Variants in ARMC2 observed in about 807,000 individuals in gnomAD.
ARMC2 encodes armadillo repeat-containing protein 2.
Under a neutral mutation model 90.3 loss-of-function variants are expected in ARMC2, and 67 were observed. The ratio of observed to expected loss-of-function variants is 0.74; its 90% CI spans 0.61 to 0.91. ARMC2 has a LOEUF of 0.91. ARMC2 is among the 40% of genes least tolerant of loss of function. The pLI, the probability that ARMC2 is intolerant of heterozygous loss-of-function variation, is 0.00. For missense variants in ARMC2, 920 were observed against 1,030.9 expected (o/e 0.89, Z 1.47); for synonymous variants, 393 against 393.0 (o/e 1.00, Z 0.00).
intron 8 of ARMC2, chr6:108,907,792 C>A: frequency 1.2e-6 from 2 of 1,610,414 alleles, no homozygotes; most frequent in Non-Finnish European, 1.7e-6. Flanking sequence ...GGCTGAAGTC[C>A]CCCATCAAGA....
At chr6:108,948,811 C>T (rs1776980384) in intron 12 of ARMC2, among the ~76,000 whole-genome samples, 1 of 152,006 alleles carries the variant, frequency 6.6e-6, no homozygotes, top group Non-Finnish European at 1.5e-5. Context: ...ACTTAGTCTT[C>T]CCAGATTAGA....
intron 2 of ARMC2, among the ~76,000 whole-genome samples, chr6:108,856,124 G>T (rs7454060): frequency 3.3e-5 from 5 of 151,996 alleles, no homozygotes; most frequent in Non-Finnish European, 5.9e-5. Context: ...AAAAGTCATC[G>T]CAATACGCAA....
intron 3 of ARMC2, among the ~76,000 whole-genome samples, 193 bp downstream of exon 3, chr6:108,858,464 A>AT (rs1774882968): frequency 6.6e-6 from 1 of 152,094 alleles, no homozygotes; most frequent in Non-Finnish European, 1.5e-5. Flanking sequence ...AAATACTTCT[A>AT]TAATTTACCT....
At chr6:108,966,838 A>T (rs1778408885) in intron 17 of ARMC2, among the ~76,000 whole-genome samples, 1 of 152,234 alleles carries the variant, frequency 6.6e-6, no homozygotes, top group African/African-American at 2.4e-5. Context: ...AAGCTCTGGG[A>T]TGAGGCTGAG....
chr6:108,971,269 A>G (rs1778746607), intron 17 of ARMC2, among the ~76,000 whole-genome samples: 1 of 152,200 alleles, frequency 6.6e-6, no homozygotes, highest in African/African-American at 2.4e-5. Context: ...GTCTGGAAGT[A>G]GCCAAACAGG....
chr6:108,899,954 CTG>C (rs1185381916), intron 7 of ARMC2, among the ~76,000 whole-genome samples, 162 bp downstream of exon 7: 1 of 152,068 alleles, frequency 6.6e-6, no homozygotes, highest in East Asian at 1.9e-4. Context: ...TTTATTTACC[CTG>C]TGTGTGTTAA....
At chr6:108,963,798 C>G (rs1778162518) in intron 15 of ARMC2, among the ~76,000 whole-genome samples, 1 of 152,222 alleles carries the variant, frequency 6.6e-6, no homozygotes, top group African/African-American at 2.4e-5. Flanking sequence ...CAACTCCCCT[C>G]TCCAGGACTG....
At chr6:109,012,029 C>T in the ARMC2 span, among the ~76,000 whole-genome samples, 5 of 152,258 alleles carry the variant, frequency 3.3e-5, no homozygotes, top group South Asian at 2.1e-4. Context: ...CCAAGGATTT[C>T]GAAGGTAGGC....
the ARMC2 span, among the ~76,000 whole-genome samples, chr6:109,035,149 T>C: frequency 2.0e-4 from 30 of 152,110 alleles, no homozygotes; most frequent in Non-Finnish European, 3.2e-4. Context: ...AACCTGTCTT[T>C]TACCCCCAAC....
At chr6:108,881,275 T>TCCCTCCCCTC (rs966197170) in intron 5 of ARMC2, among the ~76,000 whole-genome samples, 1 of 142,012 alleles carries the variant, frequency 7.0e-6, no homozygotes, top group African/African-American at 2.8e-5. Context: ...TTTTCTTCTC[T>TCCCTCCCCTC]CCCTCCCCTC....
intron 6 of ARMC2, among the ~76,000 whole-genome samples, chr6:108,896,534 G>A (rs1771631096): frequency 6.6e-6 from 1 of 152,212 alleles, no homozygotes; most frequent in Non-Finnish European, 1.5e-5. Context: ...TGGAAAGGCT[G>A]TAGCCAGACA....
the ARMC2 span, among the ~76,000 whole-genome samples, chr6:108,995,447 G>T: frequency 2.0e-5 from 3 of 152,196 alleles, no homozygotes; most frequent in Non-Finnish European, 2.9e-5. Flanking sequence ...TCTGGCAGCT[G>T]TCACTTGCTG....
chr6:108,970,133 AT>A (rs1355734274), intron 17 of ARMC2, among the ~76,000 whole-genome samples: 1 of 152,186 alleles, frequency 6.6e-6, no homozygotes, highest in Non-Finnish European at 1.5e-5. Flanking sequence ...CCCATGTGAT[AT>A]GGCACTTTTA....
the ARMC2 span, chr6:108,990,929 G>T: frequency 1.8e-6 from 2 of 1,104,302 alleles, no homozygotes; most frequent in Non-Finnish European, 2.5e-6. Flanking sequence ...ATTGTCATTT[G>T]GCTGACAATC....
the ARMC2 span, among the ~76,000 whole-genome samples, chr6:109,041,087 G>A: frequency 6.6e-6 from 1 of 151,568 alleles, no homozygotes; most frequent in African/African-American, 2.4e-5. Flanking sequence ...ATTAGCATGA[G>A]CCCAGGAGTT....
intron 5 of ARMC2, among the ~76,000 whole-genome samples, chr6:108,881,360 TTTAGA>T (rs1469826916): frequency 2.1e-5 from 3 of 143,994 alleles, no homozygotes; most frequent in African/African-American, 5.1e-5. Flanking sequence ...TTTATGGTAC[TTTAGA>T]TTAGGTTTTG....
chr6:108,978,069 T>C (rs1161896170), downstream of ARMC2, among the ~76,000 whole-genome samples: 1 of 152,204 alleles, frequency 6.6e-6, no homozygotes, highest in East Asian at 1.9e-4. Context: ...CTTGTTTCTC[T>C]AGTTCTTTTA....
At chr6:108,903,223 A>G (rs1438606595) in intron 7 of ARMC2, among the ~76,000 whole-genome samples, 1 of 151,680 alleles carries the variant, frequency 6.6e-6, no homozygotes, top group Non-Finnish European at 1.5e-5. Flanking sequence ...GAAAGGTTCA[A>G]GATCTCCCTG....
In ARMC2 at chr6:108,899,139, G is replaced by A. The variant is rs1771884332; in HGVS notation, c.749-555G>A. 2.6e-5 allele frequency among the ~76,000 whole-genome samples: 4 copies of A among 152,158 alleles called. No individual in the cohort carries two copies. In the South Asian group the frequency reaches 8.3e-4, roughly 31 times the overall value. ...GAAACTGGACCCCATCACTCACCAT[G>A]TCCATAGTGGAGTTGGGATTTGAAT... On this transcript the variant is annotated intron_variant, in intron 6 of 17. Transcript: ENST00000392644.
Sources: allele counts gnomAD v4.1 joint callset (sites outside exome capture counted in the v4.1 genomes callset), GRCh38; gene constraint gnomAD v4.1.1; transcripts MANE v1.5; gene names NCBI Gene and HGNC (gene_info 2026-07-23, HGNC 2026-07-21).